Variants in PARVB observed in about 807,000 individuals in gnomAD.
PARVB encodes parvin beta.
PARVB carries 46 observed loss-of-function variants against 47.0 expected under a neutral mutation model. The ratio of observed to expected loss-of-function variants is 0.98; its 90% CI spans 0.77 to 1.25. The LOEUF (loss-of-function observed/expected upper bound fraction) is 1.25. Among genes scored for constraint, PARVB ranks in the 50% most tolerant of loss-of-function variants. The pLI, the probability that PARVB is intolerant of heterozygous loss-of-function variation, is 0.00. For synonymous variants in PARVB, 196 were observed against 196.3 expected (o/e 1.00, Z 0.01); for missense variants, 473 against 471.6 (o/e 1.00, Z -0.03).
At chr22:44,121,241 A>C (rs1211545491) in intron 4 of PARVB, among the ~76,000 whole-genome samples, 1 of 151,808 alleles carries the variant, frequency 6.6e-6, no homozygotes, top group Non-Finnish European at 1.5e-5. Flanking sequence ...GCCTGAAGCA[A>C]TTCTCTCATG....
intron 1 of PARVB, among the ~76,000 whole-genome samples, chr22:44,093,178 T>C (rs760326582): frequency 3.3e-5 from 5 of 152,188 alleles, no homozygotes; most frequent in South Asian, 2.1e-4. Flanking sequence ...ACCTGGTGTC[T>C]GTGTGGGTGG....
intron 2 of PARVB, among the ~76,000 whole-genome samples, chr22:44,004,814 G>C (rs1009642486): frequency 6.6e-6 from 1 of 152,156 alleles, no homozygotes; most frequent in Non-Finnish European, 1.5e-5. Flanking sequence ...GCAACACAAC[G>C]TCCGGTTTGT....
At chr22:44,099,984 TC>T in intron 2 of PARVB, 68 bp from the exon 3 acceptor site, 2 of 1,266,888 alleles carry the variant, frequency 1.6e-6, no homozygotes. Context: ...TGAGTTGGCC[TC>T]CCCCTGGTTC....
At chr22:44,107,209 G>A (rs1462519291) in intron 3 of PARVB, 1 of 152,234 alleles carries the variant, frequency 6.6e-6, no homozygotes, top group Admixed American at 6.5e-5. Flanking sequence ...CTTTGCTGGT[G>A]TTTCTTCCTG....
At chr22:44,061,047 C>T (rs1457576788) in intron 1 of PARVB, among the ~76,000 whole-genome samples, 1 of 152,180 alleles carries the variant, frequency 6.6e-6, no homozygotes, top group Non-Finnish European at 1.5e-5. Context: ...GCTTCTCTGA[C>T]CTGTGCGTTC....
intron 1 of PARVB, among the ~76,000 whole-genome samples, chr22:44,053,989 C>T (rs539807441): frequency 1.5e-4 from 23 of 152,196 alleles, no homozygotes; most frequent in Non-Finnish European, 2.6e-4. Context: ...TGGATATGCA[C>T]GATTGACAGC....
chr22:44,024,257 C>T, upstream of PARVB: 3 of 742,548 alleles, frequency 4.0e-6, no homozygotes, highest in South Asian at 6.0e-5. Flanking sequence ...GGGCCGGCGG[C>T]GGGGCCGCGC....
intron 2 of PARVB, among the ~76,000 whole-genome samples, chr22:43,999,847 A>C (rs12167825): frequency 4.2e-5 from 6 of 144,190 alleles, no homozygotes; most frequent in South Asian, 4.3e-4. Context: ...AAAAAAAAAA[A>C]AAAAAAAAAA....
chr22:44,028,036 T>C (rs977055037), intron 1 of PARVB, among the ~76,000 whole-genome samples: 1 of 151,712 alleles, frequency 6.6e-6, no homozygotes, highest in African/African-American at 2.4e-5. Context: ...ATACAAAGTG[T>C]CCCCACCTAT....
chr22:44,107,159 C>T (rs997090718), intron 3 of PARVB: 5 of 152,218 alleles, frequency 3.3e-5, no homozygotes, highest in African/African-American at 7.2e-5. Flanking sequence ...TGCATGCATC[C>T]GGTGGGTTCA....
intron 1 of PARVB, among the ~76,000 whole-genome samples, chr22:44,069,525 C>T (rs1469290323): frequency 6.6e-6 from 1 of 151,876 alleles, no homozygotes; most frequent in Non-Finnish European, 1.5e-5. Context: ...TTCTCTCTCT[C>T]TGTCTTTTTT....
At chr22:44,143,274 C>G (rs1454148917) in intron 8 of PARVB, 2 of 152,418 alleles carry the variant, frequency 1.3e-5, no homozygotes, top group Admixed American at 1.3e-4. Context: ...TTCCCTGTGC[C>G]AGTGTTTACA....
At chr22:44,075,115 C>T (rs577631365) in intron 1 of PARVB, among the ~76,000 whole-genome samples, 22 of 152,184 alleles carry the variant, frequency 1.4e-4, no homozygotes, top group African/African-American at 4.1e-4. Context: ...GTGGAGGAAT[C>T]GTCCCCAGTT....
At position 44,168,957 on chromosome 22, in the gene PARVB, C is replaced by T. The variant is rs984201824; in HGVS notation, c.*279C>T. The T allele has an allele frequency of 1.1e-5, 4 of 367,874 alleles. No individual in the cohort carries two copies. Among genetic ancestry groups the T allele is most frequent in the South Asian group, 6.9e-5 (2 of 28,896 alleles). The allele number at this position is 367,874 out of a possible 1,614,324, so 22.8% of individuals were successfully genotyped here. A position where few individuals can be genotyped will look rare whatever the true frequency, so the allele number is the denominator to read the frequency against. On this transcript the variant is annotated 3_prime_UTR_variant, in exon 13 of 13. Coordinates refer to ENST00000338758, the MANE Select transcript of PARVB (RefSeq NM_013327.5). ...CGTTTGAAGCCTCGCGTCACTCAGT[C>T]GCGTGGGATGATGAGTCCGTTGTTG...
intron 1 of PARVB, among the ~76,000 whole-genome samples, chr22:44,046,439 G>T (rs575512274): frequency 1.4e-4 from 22 of 152,348 alleles, no homozygotes; most frequent in African/African-American, 4.6e-4. Flanking sequence ...ACCAGTGGGG[G>T]ATGCATCTCT....
chr22:44,148,139 G>C (rs1052085355), intron 9 of PARVB: 2 of 577,256 alleles, frequency 3.5e-6, no homozygotes, highest in Non-Finnish European at 6.3e-6. Context: ...CTTCCTGCCC[G>C]CCCGCTCCGC....
chr22:44,085,068 T>A (rs571940370), intron 1 of PARVB, among the ~76,000 whole-genome samples: 13 of 152,364 alleles, frequency 8.5e-5, no homozygotes, highest in Non-Finnish European at 1.8e-4. Context: ...TTTCTTTTTC[T>A]GTGAATTTTG....
At chr22:44,129,213 G>A (rs866828272) in intron 4 of PARVB, among the ~76,000 whole-genome samples, 1 of 152,234 alleles carries the variant, frequency 6.6e-6, no homozygotes, top group African/African-American at 2.4e-5. Flanking sequence ...GGGAGACCAA[G>A]TAAGGACACA....
At chr22:44,069,542 C>G (rs184352804) in intron 1 of PARVB, among the ~76,000 whole-genome samples, 2 of 150,476 alleles carry the variant, frequency 1.3e-5, no homozygotes, top group East Asian at 3.9e-4. Context: ...TTTTTTTTCT[C>G]TCTGAGATGG....
Sources: allele counts gnomAD v4.1 joint callset (sites outside exome capture counted in the v4.1 genomes callset), GRCh38; gene constraint gnomAD v4.1.1; transcripts MANE v1.5; gene names NCBI Gene and HGNC (gene_info 2026-07-23, HGNC 2026-07-21).